DDX43: variants seen among roughly 807,000 people sequenced by gnomAD.
DDX43 encodes DEAD-box helicase 43.
Under a neutral mutation model 84.9 loss-of-function variants are expected in DDX43, and 50 were observed. The ratio of observed to expected loss-of-function variants is 0.59; its 90% CI spans 0.47 to 0.75. DDX43 has a LOEUF of 0.75. Ranked by LOEUF, DDX43 falls within the 30% of genes least tolerant of loss-of-function variation. The probability of loss-of-function intolerance (pLI) is 0.00; values close to 1 mark genes in which losing one functional copy is unlikely to be tolerated. For missense variants in DDX43, 689 were observed against 798.6 expected (o/e 0.86, Z 1.65); for synonymous variants, 291 against 266.3 (o/e 1.09, Z -0.90).
chr6:73,405,528 A>C (rs564632675), intron 5 of DDX43, 151 bp from the exon 6 acceptor site: 4 of 691,706 alleles, frequency 5.8e-6, no homozygotes, highest in Admixed American at 3.0e-5. Context: ...TCCTGCTTCT[A>C]TTTCTTTATG....
chr6:73,413,516 T>A, intron 11 of DDX43, 142 bp from the exon 12 acceptor site: 1 of 727,572 alleles, frequency 1.4e-6, no homozygotes, highest in Non-Finnish European at 2.1e-6. Context: ...AACAGGTAAT[T>A]TTTTTAGGAC....
At chr6:73,413,149 T>C (rs139853630) in intron 11 of DDX43, among the ~76,000 whole-genome samples, 149 of 152,364 alleles carry the variant, frequency 9.8e-4, no homozygotes, top group African/African-American at 3.4e-3. Flanking sequence ...AGACTGAATA[T>C]TGGGTTCATG....
rs1769427833 is a variant in DDX43, at chr6:73,394,860, G to C, written c.-46G>C. ...TCTTACGACGTCACGGTCAGGTGGT[G>C]CAGAGCTGGACGGCAACGACGTCGG... On this transcript the variant is annotated 5_prime_UTR_variant, in exon 1 of 17. Coordinates refer to ENST00000370336, the MANE Select transcript of DDX43 (RefSeq NM_018665.3). The C allele has an allele frequency of 6.2e-7, 1 of 1,601,958 alleles. No individual in the cohort carries two copies. The highest frequency in any genetic ancestry group is 1.3e-5 in the African/African-American group (1 of 74,958).
At chr6:73,397,648 T>A (rs774087031) in intron 1 of DDX43, 41 bp from the exon 2 acceptor site, 1 of 1,523,090 alleles carries the variant, frequency 6.6e-7, no homozygotes, top group Admixed American at 1.7e-5. Flanking sequence ...AACTTACTAA[T>A]TTCAACTTAT....
chr6:73,412,153 C>T (rs190694095), intron 10 of DDX43, 52 bp from the exon 11 acceptor site: 2 of 1,485,480 alleles, frequency 1.3e-6, no homozygotes, highest in African/African-American at 1.4e-5. Context: ...CTTAAGGAAA[C>T]ATAGTAATGT....
chr6:73,395,258 C>G, intron 1 of DDX43, 103 bp downstream of exon 1: 1 of 1,376,766 alleles, frequency 7.3e-7, no homozygotes, highest in Non-Finnish European at 9.7e-7. Context: ...CAGCTGCCAC[C>G]TAGTGAGGTT....
At chr6:73,402,097 A>C in intron 4 of DDX43, 107 bp downstream of exon 4, 2 of 1,428,486 alleles carry the variant, frequency 1.4e-6, no homozygotes, top group South Asian at 2.5e-5. Context: ...GTATATGAAA[A>C]TAGTAAAATC....
chr6:73,402,246 T>C (rs1370525593), intron 4 of DDX43, among the ~76,000 whole-genome samples: 1 of 151,840 alleles, frequency 6.6e-6, no homozygotes, highest in Non-Finnish European at 1.5e-5. Flanking sequence ...TAGGAAAAAA[T>C]CAGTCCCAAT....
intron 11 of DDX43, among the ~76,000 whole-genome samples, chr6:73,412,905 T>A (rs1276212084): frequency 6.6e-6 from 1 of 152,084 alleles, no homozygotes; most frequent in Non-Finnish European, 1.5e-5. Context: ...AAGTTTTGTA[T>A]TTTAGTAGAG....
rs376275026 is a variant in DDX43, at chr6:73,415,489, C to T, written c.1746-8C>T. On this transcript the variant is annotated splice_region_variant and splice_polypyrimidine_tract_variant and intron_variant, in intron 14 of 16. Transcript: ENST00000370336. The stretch of plus-strand genomic sequence containing the variant: ...TGAATACATGAGTTTTTTTCCCCCA[C>T]ACTAAAGGAGGACTGGTGTTTCCAT... 30 of 1,603,568 alleles carry T rather than the reference C, an allele frequency of 1.9e-5. No individual in the cohort carries two copies. The highest frequency in any genetic ancestry group is 2.6e-6 in the Non-Finnish European group (3 of 1,172,744).
In DDX43 at chr6:73,406,473, T is replaced by C; in HGVS notation, c.917T>C (p.Leu306Pro). The C allele has an allele frequency of 6.2e-7, 1 of 1,605,056 alleles. No individual in the cohort carries two copies. The highest frequency in any genetic ancestry group is 1.1e-5 in the South Asian group (1 of 90,736). Residue 306 changes from leucine (L) to proline (P), a missense_variant, in exon 7 of 17, where the codon CTT (leucine) becomes CCT (proline). Leu to Pro is a moderately conservative substitution (Grantham distance 98). Around this residue, in one of 2 missense-constraint regions of DDX43, gnomAD observed 552 missense variants for 692.7 expected, o/e 0.80. Transcript: ENST00000370336. ...ATGCCTGGATTTATTCATCTGGTCC[T>C]TCAACCCAGGTAAGAATTCCTATGG... ...YLMPGFIHLV[L>P]QPSLKGQRNR... is the part of the protein sequence containing the mutation.
chr6:73,403,181 T>C (rs538905900), intron 4 of DDX43, among the ~76,000 whole-genome samples: 1 of 152,128 alleles, frequency 6.6e-6, no homozygotes, highest in South Asian at 2.1e-4. Context: ...TTAAGAAATG[T>C]AGTTAGGCCG....
At chr6:73,406,567 T>C (rs1420096119) in intron 7 of DDX43, 85 bp downstream of exon 7, 1 of 822,782 alleles carries the variant, frequency 1.2e-6, no homozygotes, top group Non-Finnish European at 2.0e-6. Context: ...CTTTACCTAT[T>C]GCTTGATCCA....
intron 4 of DDX43, 42 bp downstream of exon 4, chr6:73,402,032 A>G: frequency 6.2e-7 from 1 of 1,608,224 alleles, no homozygotes; most frequent in Non-Finnish European, 8.5e-7. Context: ...TGTTTCTGTT[A>G]ACTGCAGTTT....
At position 73,415,527 on chromosome 6, in the gene DDX43, T is replaced by G; in HGVS notation, c.1776T>G (p.Thr592=). Reference sequence around the variant, plus strand: ...CTGGTGTTTCCATTACAACTTTGACTAGAAATGATTGGAGGGTTGCCTCTG... The same window carrying G: ...CTGGTGTTTCCATTACAACTTTGACGAGAAATGATTGGAGGGTTGCCTCTG... ...GRTGVSITTL[T]RNDWRVASEL... Residue 592 remains threonine (T), a synonymous_variant, in exon 15 of 17, where the codon ACT becomes ACG. Coordinates refer to ENST00000370336, the MANE Select transcript of DDX43 (RefSeq NM_018665.3). The G allele has an allele frequency of 6.2e-7, 1 of 1,613,602 alleles. No individual in the cohort carries two copies. The highest frequency in any genetic ancestry group is 1.1e-5 in the South Asian group (1 of 91,056).
In DDX43 at chr6:73,416,166, G is replaced by A. The variant is rs1332058586; in HGVS notation, c.1887G>A (p.Gln629=). ...SMAERFKAHQ[Q]KREMERKMER... is the part of the protein sequence containing the mutation. ...CTGAGAGGTTTAAGGCACATCAACA[G>A]AAAAGGGAAATGGAAAGAAAAATGG... Residue 629 remains glutamine (Q), a synonymous_variant, in exon 16 of 17, where the codon CAG becomes CAA. Transcript: ENST00000370336. 7 of 1,598,790 alleles carry A rather than the reference G, an allele frequency of 4.4e-6. No individual in the cohort carries two copies. The African/African-American group carries it at 9.4e-5, about 21-fold the overall frequency.
chr6:73,412,692 CGCGT>C (rs1175153571), intron 11 of DDX43, among the ~76,000 whole-genome samples: 1 of 116,326 alleles, frequency 8.6e-6, no homozygotes, highest in Non-Finnish European at 1.8e-5. Context: ...TGTGTGTGTG[CGCGT>C]GCGTGCGCAC....
chr6:73,411,846 C>T (rs1164267554), intron 10 of DDX43, among the ~76,000 whole-genome samples: 5 of 152,014 alleles, frequency 3.3e-5, no homozygotes, highest in Non-Finnish European at 5.9e-5. Flanking sequence ...TACAGGCGTC[C>T]GCTAACACAC....
At position 73,416,094 on chromosome 6, in the gene DDX43, A is replaced by C. The variant is rs1341231051; in HGVS notation, c.1834-19A>C. On this transcript the variant is annotated intron_variant, in intron 15 of 16. Transcript: ENST00000370336. The stretch of plus-strand genomic sequence containing the variant: ...AAAAGAACTCAGAATCCTAATAACA[A>C]CACGTTGAATAATTTCAGAGTATTC... The C allele has an allele frequency of 7.9e-7, 1 of 1,266,162 alleles. No individual in the cohort carries two copies. Among genetic ancestry groups the C allele is most frequent in the Non-Finnish European group, 1.2e-6 (1 of 865,152 alleles). The allele number at this position is 1,266,162 out of a possible 1,614,324, so 78.4% of individuals were successfully genotyped here.
Sources: gnomAD v4.1 joint callset for allele counts (sites outside exome capture counted in the v4.1 genomes callset) on GRCh38, gnomAD v4.1.1 for gene constraint, gnomAD v4.1.1 regional missense constraint, MANE v1.5 for transcripts, NCBI Gene and HGNC (gene_info 2026-07-23, HGNC 2026-07-21) for gene names.